The following SGCG variants were observed in gnomAD, a reference collection of about 807,000 sequenced individuals.
The protein encoded by SGCG is gamma-sarcoglycan.
In SGCG, 26 loss-of-function variants were observed where a neutral mutation model predicts 29.3. The observed-to-expected ratio is 0.89, with a 90% CI of 0.65 to 1.23. SGCG has a LOEUF of 1.23. Ranked by LOEUF, SGCG falls within the 50% of genes most tolerant of loss-of-function variation. SGCG has a pLI of 0.00. For missense variants in SGCG, 353 were observed against 356.0 expected (o/e 0.99, Z 0.07); for synonymous variants, 145 against 129.7 (o/e 1.12, Z -0.80).
intron 7 of SGCG, among the ~76,000 whole-genome samples, chr13:23,323,088 G>A (rs750761027): frequency 2.0e-5 from 3 of 152,236 alleles, no homozygotes; most frequent in South Asian, 2.1e-4. Flanking sequence ...AGCCAGCTGC[G>A]AGAACAGCAC....
chr13:23,256,248 G>T (rs1290645644), intron 4 of SGCG, among the ~76,000 whole-genome samples: 1 of 152,126 alleles, frequency 6.6e-6, no homozygotes, highest in Non-Finnish European at 1.5e-5. Flanking sequence ...TATAAAACTT[G>T]CAAAAGCTCA....
At chr13:23,281,567 C>T (rs561554361) in intron 5 of SGCG, among the ~76,000 whole-genome samples, 9 of 152,172 alleles carry the variant, frequency 5.9e-5, no homozygotes, top group East Asian at 5.8e-4. Flanking sequence ...AACATGTTGA[C>T]GCTCTCTGTA....
At chr13:23,282,065 C>T (rs530017) in intron 5 of SGCG, among the ~76,000 whole-genome samples, 1,885 of 152,296 alleles carry the variant, frequency 0.012, 39 homozygotes, top group African/African-American at 0.043. Flanking sequence ...TGACTATATG[C>T]TTTCCTTGTT....
chr13:23,240,303 T>G (rs4536325), intron 3 of SGCG, among the ~76,000 whole-genome samples: 22,979 of 152,112 alleles, frequency 0.15, 1,787 homozygotes, highest in East Asian at 0.29. Context: ...GAATCCACTA[T>G]CAGAGCATCA....
intron 2 of SGCG, among the ~76,000 whole-genome samples, chr13:23,225,780 T>TAC (rs60718653): frequency 0.056 from 8,385 of 148,626 alleles, 591 homozygotes; most frequent in African/African-American, 0.16. Context: ...GGACATGTCA[T>TAC]ACACACACAC....
chr13:23,265,444 G>T (rs1400799787), intron 4 of SGCG, among the ~76,000 whole-genome samples: 1 of 152,098 alleles, frequency 6.6e-6, no homozygotes, highest in Non-Finnish European at 1.5e-5. Context: ...GGGTGCAGTT[G>T]CACGCACCTG....
chr13:23,185,255 G>A (rs985397207), intron 1 of SGCG, among the ~76,000 whole-genome samples: 3 of 152,164 alleles, frequency 2.0e-5, no homozygotes, highest in Admixed American at 6.5e-5. Context: ...GCAATGGTGC[G>A]ATCTTGGCTC....
the SGCG span, among the ~76,000 whole-genome samples, chr13:23,162,138 A>C: frequency 6.6e-6 from 1 of 152,258 alleles, no homozygotes; most frequent in Admixed American, 6.5e-5. Flanking sequence ...TAACCAGGAT[A>C]ATAATACTCC....
intron 1 of SGCG, among the ~76,000 whole-genome samples, chr13:23,198,098 A>G (rs1341574435): frequency 1.3e-5 from 2 of 152,248 alleles, no homozygotes; most frequent in African/African-American, 4.8e-5. Context: ...ACTTCGAACT[A>G]TTATAACTCA....
intron 1 of SGCG, among the ~76,000 whole-genome samples, chr13:23,197,297 T>TG (rs1361804537): frequency 3.3e-5 from 5 of 152,204 alleles, no homozygotes; most frequent in South Asian, 4.1e-4. Flanking sequence ...ACTTCTCACG[T>TG]GGGTTACCTT....
At chr13:23,181,823 C>T (rs560546853) in intron 1 of SGCG, among the ~76,000 whole-genome samples, 19 of 152,138 alleles carry the variant, frequency 1.2e-4, no homozygotes, top group Non-Finnish European at 2.5e-4. Flanking sequence ...AAAAATAATA[C>T]GGAAAAATAT....
At chr13:23,248,554 C>T (rs1394610407) in intron 3 of SGCG, among the ~76,000 whole-genome samples, 2 of 149,826 alleles carry the variant, frequency 1.3e-5, no homozygotes, top group African/African-American at 4.9e-5. Flanking sequence ...AATTAGCCGG[C>T]GTGGCAGCAG....
At chr13:23,167,650 C>G in the SGCG span, among the ~76,000 whole-genome samples, 3 of 151,880 alleles carry the variant, frequency 2.0e-5, no homozygotes, top group Non-Finnish European at 4.4e-5. Context: ...CTCTGATGAT[C>G]AATGATGTTA....
intron 2 of SGCG, among the ~76,000 whole-genome samples, chr13:23,209,647 C>A (rs1380545535): frequency 6.6e-6 from 1 of 152,138 alleles, no homozygotes; most frequent in Non-Finnish European, 1.5e-5. Flanking sequence ...TCTGAAATCC[C>A]ATTTGCATTT....
intron 3 of SGCG, among the ~76,000 whole-genome samples, chr13:23,239,720 A>G (rs1363492360): frequency 1.3e-5 from 2 of 152,210 alleles, no homozygotes; most frequent in African/African-American, 4.8e-5. Flanking sequence ...AGGTACTGCT[A>G]TAATGTTCTC....
the SGCG span, among the ~76,000 whole-genome samples, chr13:23,173,528 TATCCA>T: frequency 3.9e-5 from 6 of 152,240 alleles, no homozygotes; most frequent in African/African-American, 1.4e-4. Context: ...TATTTCTCTA[TATCCA>T]GACTTCTGAT....
intron 2 of SGCG, among the ~76,000 whole-genome samples, chr13:23,210,268 A>G (rs536997758): frequency 6.6e-6 from 1 of 152,358 alleles, no homozygotes; most frequent in South Asian, 2.1e-4. Flanking sequence ...TGATGCATTA[A>G]TATGAGTGAT....
At chr13:23,313,442 G>A (rs1044238084) in intron 6 of SGCG, among the ~76,000 whole-genome samples, 2 of 152,162 alleles carry the variant, frequency 1.3e-5, no homozygotes, top group Non-Finnish European at 2.9e-5. Flanking sequence ...TGGGATTACA[G>A]ACGTGAGCCA....
intron 5 of SGCG, among the ~76,000 whole-genome samples, chr13:23,286,452 C>T (rs1409165660): frequency 1.3e-5 from 2 of 152,186 alleles, no homozygotes; most frequent in African/African-American, 4.8e-5. Flanking sequence ...ACCTTAACTT[C>T]ACAAGATTAA....
Sources: gnomAD v4.1 joint callset for allele counts (sites outside exome capture counted in the v4.1 genomes callset) on GRCh38, gnomAD v4.1.1 for gene constraint, MANE v1.5 for transcripts, NCBI Gene and HGNC (gene_info 2026-07-23, HGNC 2026-07-21) for gene names.